The following CCP110 variants were observed in gnomAD, a reference collection of about 807,000 sequenced individuals.
CCP110 encodes centriolar coiled-coil protein 110.
CCP110 carries 43 observed loss-of-function variants against 105.5 expected under a neutral mutation model. That is an observed-to-expected ratio of 0.41 (90% CI 0.32 to 0.53). The LOEUF (loss-of-function observed/expected upper bound fraction) is 0.53, where lower values mean the gene tolerates loss of function less well. Among genes scored for constraint, CCP110 ranks in the 20% least tolerant of loss-of-function variants. CCP110 has a pLI of 0.32. For missense variants in CCP110, 1,016 were observed against 1,189.1 expected (o/e 0.85, Z 2.14); for synonymous variants, 353 against 392.1 (o/e 0.90, Z 1.18).
chr16:19,538,027 G>T (rs978177954), intron 4 of CCP110, among the ~76,000 whole-genome samples: 2 of 152,168 alleles, frequency 1.3e-5, no homozygotes, highest in African/African-American at 4.8e-5. Flanking sequence ...GCCTCCCAAA[G>T]CTGTGGGATT....
intron 4 of CCP110, among the ~76,000 whole-genome samples, chr16:19,539,753 C>T (rs986423020): frequency 6.6e-6 from 1 of 151,962 alleles, no homozygotes; most frequent in Non-Finnish European, 1.5e-5. Flanking sequence ...AGGCAAGAGG[C>T]TGCCTCAGTG....
Position 19,537,592 on chromosome 16 carries a change from G to A in CCP110, c.1918+5G>A, listed in dbSNP as rs1318050437. ...TGTTAGGAACTAGTTCCAAAGGTAA[G>A]GAATCTTTGAAGCGTTTGATACCTT... On this transcript the variant is annotated splice_donor_5th_base_variant and intron_variant, in intron 4 of 14. Transcript: ENST00000381396. 1 of 1,498,318 alleles carries A rather than the reference G, an allele frequency of 6.7e-7. No homozygotes were observed. Among genetic ancestry groups the A allele is most frequent in the Non-Finnish European group, 9.0e-7 (1 of 1,106,182 alleles). The allele number at this position is 1,498,318 out of a possible 1,614,324, so 92.8% of individuals were successfully genotyped here.
At chr16:19,547,706 C>T in intron 12 of CCP110, 1 of 348,370 alleles carries the variant, frequency 2.9e-6, no homozygotes, top group Non-Finnish European at 5.2e-6. Flanking sequence ...TCTAAAAGCA[C>T]AAGGGTTAGT....
intron 11 of CCP110, chr16:19,546,128 A>G: frequency 1.9e-6 from 1 of 519,714 alleles, no homozygotes. Flanking sequence ...ATAGCTGGTT[A>G]ATCTTAAAAA....
intron 14 of CCP110, among the ~76,000 whole-genome samples, chr16:19,550,364 G>A (rs185533372): frequency 7.8e-4 from 118 of 152,218 alleles, no homozygotes; most frequent in African/African-American, 2.3e-3. Flanking sequence ...TATTGGCCAG[G>A]CTAGTCTCGA....
chr16:19,545,830 G>A, exon 11 of CCP110: 3 of 1,603,800 alleles, frequency 1.9e-6, no homozygotes, highest in Non-Finnish European at 2.6e-6. Flanking sequence ...AAAATGAAAA[G>A]TCCACGAGTG....
At chr16:19,524,575 G>A (rs1013039244) in intron 1 of CCP110, among the ~76,000 whole-genome samples, 3 of 152,156 alleles carry the variant, frequency 2.0e-5, no homozygotes, top group Admixed American at 2.0e-4. Context: ...TTGCCACTCT[G>A]GGGCATAAAC....
exon 7 of CCP110, chr16:19,542,674 TTCTACC>T: frequency 6.2e-7 from 1 of 1,613,548 alleles, no homozygotes; most frequent in Non-Finnish European, 8.5e-7. Flanking sequence ...CGAAGCACCA[TTCTACC>T]TCTGGGGATC....
chr16:19,541,926 G>T (rs775752673), exon 6 of CCP110: 9 of 1,601,200 alleles, frequency 5.6e-6, no homozygotes. Context: ...AGAGAAGAAG[G>T]CAATGACAGC....
chr16:19,539,424 G>A (rs928975217), intron 4 of CCP110, among the ~76,000 whole-genome samples: 1 of 151,210 alleles, frequency 6.6e-6, no homozygotes, highest in South Asian at 2.1e-4. Flanking sequence ...GATTGCTGTG[G>A]TGCGATCTCA....
chr16:19,548,706 A>G lies in CCP110; in HGVS notation c.2986+106A>G, dbSNP rs537670770. 15 of 696,440 alleles carry G rather than the reference A, an allele frequency of 2.2e-5. No individual in the cohort carries two copies. In the South Asian group the frequency reaches 2.7e-4, roughly 13 times the overall value. 43.1% of individuals were successfully genotyped at this position (696,440 alleles called of 1,614,324 possible). A position where few individuals can be genotyped will look rare whatever the true frequency, so the allele number is the denominator to read the frequency against. ...GAATAGATTGTCTTTCCTTGCCACCATAATTTTGGCATATTCACAGTCATC... is the reference window on the plus strand; with the variant it reads ...GAATAGATTGTCTTTCCTTGCCACCGTAATTTTGGCATATTCACAGTCATC... On this transcript the variant is annotated intron_variant, in intron 14 of 14. Transcript: ENST00000381396. The surrounding 1 kb of genome is among the most constrained non-coding windows in gnomAD (Gnocchi z 4.1).
intron 8 of CCP110, among the ~76,000 whole-genome samples, chr16:19,543,898 G>A (rs753232471): frequency 2.6e-5 from 4 of 151,316 alleles, no homozygotes; most frequent in Non-Finnish European, 5.9e-5. Context: ...AAGACAATAC[G>A]TGCACAGCTG....
intron 2 of CCP110, among the ~76,000 whole-genome samples, chr16:19,528,639 A>G (rs1050968694): frequency 3.3e-5 from 5 of 152,188 alleles, no homozygotes; most frequent in Non-Finnish European, 7.3e-5. Flanking sequence ...TCACACCTAT[A>G]GTCCCAATGC....
chr16:19,550,942 A>AC (rs1008067053), intron 14 of CCP110, among the ~76,000 whole-genome samples: 8 of 152,334 alleles, frequency 5.3e-5, no homozygotes, highest in Admixed American at 5.2e-4. Context: ...GTAAAATAAC[A>AC]CATCAGGTGG....
chr16:19,536,472 T>C (rs1970062570), exon 4 of CCP110: 7 of 1,613,928 alleles, frequency 4.3e-6, no homozygotes, highest in African/African-American at 1.3e-5. Flanking sequence ...CATGATGCTG[T>C]TGAAGTGGCT....
Position 19,544,781 on chromosome 16 carries a change from G to A in CCP110, c.2485-16G>A. ...TTTCTAGAAAAATGTTTTTGAAGGAGCATTTCTTTTTTCAGGATACTATGG... is the reference window on the plus strand; with the variant it reads ...TTTCTAGAAAAATGTTTTTGAAGGAACATTTCTTTTTTCAGGATACTATGG... On this transcript the variant is annotated splice_polypyrimidine_tract_variant and intron_variant, in intron 8 of 14. Coordinates refer to ENST00000381396, the Ensembl canonical transcript of CCP110. 1 of 1,262,370 alleles carries A rather than the reference G, an allele frequency of 7.9e-7. No individual in the cohort carries two copies. The highest frequency in any genetic ancestry group is 1.3e-5 in the South Asian group (1 of 78,478). 78.2% of individuals were successfully genotyped at this position (1,262,370 alleles called of 1,614,324 possible). A position where few individuals can be genotyped will look rare whatever the true frequency, so the allele number is the denominator to read the frequency against.
At chr16:19,551,136 A>G (rs970970073) in intron 14 of CCP110, 60 bp from the exon 14 acceptor site, 2 of 967,928 alleles carry the variant, frequency 2.1e-6, no homozygotes, top group African/African-American at 3.2e-5. Context: ...AACTCATTAA[A>G]TGGTATCATT....
At chr16:19,546,575 G>A (rs2151482571) in intron 12 of CCP110, 101 bp downstream of exon 12, 1 of 662,372 alleles carries the variant, frequency 1.5e-6, no homozygotes, top group East Asian at 2.7e-5. Flanking sequence ...CCAGAACTTT[G>A]GGAGGCCAAG....
chr16:19,537,022 A>G, exon 4 of CCP110: 1 of 1,614,256 alleles, frequency 6.2e-7, no homozygotes, highest in Non-Finnish European at 8.5e-7. Flanking sequence ...AAGTCAAAGA[A>G]GATGTGGTTT....
Sources: gnomAD v4.1 joint callset for allele counts (sites outside exome capture counted in the v4.1 genomes callset) on GRCh38, gnomAD v4.1.1 for gene constraint, Gnocchi (gnomAD v3.1) non-coding constraint, MANE v1.5 for transcripts, NCBI Gene and HGNC (gene_info 2026-07-23, HGNC 2026-07-21) for gene names.